E2F6: variants seen among roughly 807,000 people sequenced by gnomAD.
E2F6 encodes the protein transcription factor E2F6.
A neutral mutation model predicts 31.5 loss-of-function variants in E2F6; 19 were observed. The observed-to-expected ratio is 0.60, with a 90% CI of 0.42 to 0.89. The LOEUF (loss-of-function observed/expected upper bound fraction) is 0.89. Ranked by LOEUF, E2F6 falls within the 40% of genes least tolerant of loss-of-function variation. The pLI is 0.00. For missense variants in E2F6, 269 were observed against 341.6 expected, an observed-to-expected ratio of 0.79 and a Z score of 1.67; for synonymous variants, 121 against 127.7, an observed-to-expected ratio of 0.95 and a Z score of 0.36.
intron 5 of E2F6, 49 bp from the exon 6 acceptor site, chr2:11,447,823 AT>A: frequency 6.3e-7 from 1 of 1,580,576 alleles, no homozygotes; most frequent in Non-Finnish European, 8.6e-7. Flanking sequence ...AATAAATCAT[AT>A]TTTTTCACTC....
chr2:11,454,536 G>A (rs754105525), intron 2 of E2F6, among the ~76,000 whole-genome samples: 1 of 151,906 alleles, frequency 6.6e-6, no homozygotes, highest in Non-Finnish European at 1.5e-5. Context: ...TAGTAGAGAC[G>A]GGGTTTCACC....
chr2:11,455,253 G>T, intron 2 of E2F6: 1 of 947,540 alleles, frequency 1.1e-6, no homozygotes, highest in Non-Finnish European at 1.3e-6. Flanking sequence ...AAATAACTTT[G>T]TCACTCTGGT....
intron 1 of E2F6, among the ~76,000 whole-genome samples, chr2:11,457,550 G>C (rs947364855): frequency 6.6e-6 from 1 of 152,226 alleles, no homozygotes; most frequent in Admixed American, 6.5e-5. Context: ...TTGAATCTAG[G>C]AGGTGGAGGT....
intron 4 of E2F6, 128 bp downstream of exon 4, chr2:11,451,523 T>G: frequency 2.0e-6 from 2 of 996,182 alleles, no homozygotes; most frequent in Non-Finnish European, 2.8e-6. Flanking sequence ...TGGCTAATTT[T>G]GTATTTAACT....
chr2:11,463,332 CGAA>C (rs1485574752), intron 1 of E2F6, among the ~76,000 whole-genome samples: 1 of 152,130 alleles, frequency 6.6e-6, no homozygotes, highest in Non-Finnish European at 1.5e-5. Flanking sequence ...CTAATTCCCC[CGAA>C]GGAGTAGGAT....
rs765543732 is a variant in E2F6 at position 11,447,732 on chromosome 2, C to A, written c.694G>T (p.Asp232Tyr). 3.1e-6 allele frequency: 5 copies of A among 1,612,226 alleles called. No homozygotes were observed. In the South Asian group the frequency reaches 5.5e-5, roughly 18 times the overall value. The change falls in exon 6 of 7, where the codon GAT becomes TAT. Residue 232 changes from aspartate (D) to tyrosine (Y), a missense_variant. Coordinates refer to ENST00000381525, the MANE Select transcript of E2F6 (RefSeq NM_198256.4). Reference protein sequence around the residue: ...VHIRSTNGPIDVYLCEVEQGQ... With the variant: ...VHIRSTNGPIYVYLCEVEQGQ... ...TGCTCCACTTCACACAAATAGACAT[C>A]GATAGGTCCGTTGGTGCTCCTTATG... is the stretch of plus-strand genomic sequence containing the variant.
In E2F6 at chr2:11,466,085, G is replaced by A; in HGVS notation, c.-206C>T. On this transcript the variant is annotated 5_prime_UTR_variant, in exon 1 of 7. Coordinates refer to ENST00000381525, the MANE Select transcript of E2F6 (RefSeq NM_198256.4). ...CCTCACGTGCCCGGGAGCTCCCGAC[G>A]CAGACGGAAAAAGAGGAGGGAGACC... The A allele has an allele frequency of 5.8e-6, 3 of 516,084 alleles. No individual in the cohort carries two copies. Among genetic ancestry groups the A allele is most frequent in the East Asian group, 3.5e-5 (1 of 28,262 alleles). The allele number at this position is 516,084 out of a possible 1,614,324, so 32.0% of individuals were successfully genotyped here.
intron 1 of E2F6, among the ~76,000 whole-genome samples, chr2:11,463,951 G>GT (rs1671951427): frequency 1.5e-5 from 2 of 136,262 alleles, no homozygotes; most frequent in African/African-American, 5.4e-5. Context: ...CCTGCACCGG[G>GT]GGGGGGGACA....
At chr2:11,462,897 T>C (rs1671874149) in intron 1 of E2F6, among the ~76,000 whole-genome samples, 1 of 152,114 alleles carries the variant, frequency 6.6e-6, no homozygotes, top group Non-Finnish European at 1.5e-5. Context: ...TAAAGAAAAG[T>C]GAAACCTCAG....
chr2:11,464,517 C>CAAAAAA (rs559562627), intron 1 of E2F6, among the ~76,000 whole-genome samples: 5 of 44,698 alleles, frequency 1.1e-4, no homozygotes, highest in African/African-American at 4.0e-4. Context: ...ACTTCGTCAC[C>CAAAAAA]AAAAAAAAAA....
chr2:11,465,710 C>T, intron 1 of E2F6, 62 bp downstream of exon 1: 2 of 1,522,530 alleles, frequency 1.3e-6, no homozygotes, highest in Non-Finnish European at 1.8e-6. Flanking sequence ...GGCGGCGGCG[C>T]GGGGAGGAGG....
At position 11,465,848 on chromosome 2, in the gene E2F6, G is replaced by C. The variant is rs1426226010; in HGVS notation, c.32C>G (p.Pro11Arg). Reference sequence around the variant, plus strand: ...CTCCGTCGGGTCCAGGAGGAGACTGGGTAACTTCCTCGCCGGCCGCTGCTG... The same window carrying C: ...CTCCGTCGGGTCCAGGAGGAGACTGCGTAACTTCCTCGCCGGCCGCTGCTG... MSQQRPARKL[P>R]SLLLDPTEET... Residue 11 changes from proline (P) to arginine (R), a missense_variant, in exon 1 of 7, where the codon CCC (proline) becomes CGC (arginine). Coordinates refer to ENST00000381525, the MANE Select transcript of E2F6 (RefSeq NM_198256.4). The C allele has an allele frequency of 4.4e-6, 7 of 1,583,598 alleles. No individual in the cohort carries two copies. The African/African-American group carries it at 8.1e-5, about 18-fold the overall frequency.
intron 1 of E2F6, chr2:11,458,247 C>G: frequency 6.5e-7 from 1 of 1,550,150 alleles, no homozygotes; most frequent in Admixed American, 2.0e-5. Flanking sequence ...GAATCAACAG[C>G]AGTACTAGGG....
At chr2:11,446,614 A>C in intron 6 of E2F6, 91 bp from the exon 7 acceptor site, 1 of 1,091,796 alleles carries the variant, frequency 9.2e-7, no homozygotes, top group Non-Finnish European at 1.4e-6. Context: ...ACACAATCTG[A>C]CTACTTCAGA....
intron 3 of E2F6, among the ~76,000 whole-genome samples, chr2:11,452,841 T>G (rs1216895803): frequency 6.6e-6 from 1 of 152,230 alleles, no homozygotes; most frequent in Non-Finnish European, 1.5e-5. Flanking sequence ...TTAGTAAACA[T>G]GCTCAAATTA....
chr2:11,464,107 A>G (rs1671970720), intron 1 of E2F6, among the ~76,000 whole-genome samples: 1 of 152,188 alleles, frequency 6.6e-6, no homozygotes, highest in African/African-American at 2.4e-5. Context: ...AAACTACAAC[A>G]GCTGCTGGAA....
At chr2:11,455,523 G>A (rs1172370907) in intron 2 of E2F6, 18 of 1,169,338 alleles carry the variant, frequency 1.5e-5, no homozygotes, top group South Asian at 5.2e-5. Flanking sequence ...ATTTTTAATC[G>A]GAAGTAGAGG....
At chr2:11,458,890 G>C (rs556697841) in intron 1 of E2F6, among the ~76,000 whole-genome samples, 3 of 152,284 alleles carry the variant, frequency 2.0e-5, no homozygotes, top group African/African-American at 4.8e-5. Context: ...TGCTGGCCTT[G>C]GGGGTAGGGA....
chr2:11,463,958 G>GGGGGGGGGC (rs56958029), intron 1 of E2F6, among the ~76,000 whole-genome samples: 1 of 106,452 alleles, frequency 9.4e-6, no homozygotes. Flanking sequence ...CGGGGGGGGG[G>GGGGGGGGGC]ACAAAAACAA....
Sources: allele counts gnomAD v4.1 joint callset (sites outside exome capture counted in the v4.1 genomes callset), GRCh38; gene constraint gnomAD v4.1.1; transcripts MANE v1.5; gene names NCBI Gene and HGNC (gene_info 2026-07-23, HGNC 2026-07-21).